NALF1: variants seen among roughly 807,000 people sequenced by gnomAD.
The protein encoded by NALF1 is NALCN channel auxiliary factor 1, also known as family with sequence similarity 155 member A.
In NALF1, 3 loss-of-function variants were observed where a neutral mutation model predicts 48.4. That is an observed-to-expected ratio of 0.06 (90% CI 0.03 to 0.16). NALF1 has a LOEUF of 0.16. Among genes scored for constraint, NALF1 ranks in the 10% least tolerant of loss-of-function variants. The pLI is 1.00. For synonymous variants in NALF1, 262 were observed against 245.7 expected (o/e 1.07, Z -0.62); for missense variants, 526 against 571.5 (o/e 0.92, Z 0.81).
chr13:107,401,172 C>T (rs61965864), intron 1 of NALF1, among the ~76,000 whole-genome samples: 1,771 of 152,274 alleles, frequency 0.012, 14 homozygotes, highest in Non-Finnish European at 0.02. Context: ...TGCCATCCCC[C>T]TCAGTTTCAC....
intron 1 of NALF1, among the ~76,000 whole-genome samples, chr13:107,854,158 C>G (rs1391419434): frequency 1.3e-5 from 2 of 152,166 alleles, no homozygotes; most frequent in South Asian, 2.1e-4. Flanking sequence ...AAAGCCAAAG[C>G]TGAAATGATA....
chr13:107,780,412 G>C (rs1479841495), intron 1 of NALF1, among the ~76,000 whole-genome samples: 2 of 151,874 alleles, frequency 1.3e-5, no homozygotes, highest in Admixed American at 1.3e-4. Context: ...TTAAGTTTCT[G>C]ATGTTTAATA....
At chr13:107,426,971 T>C (rs1367329865) in intron 1 of NALF1, among the ~76,000 whole-genome samples, 2 of 151,972 alleles carry the variant, frequency 1.3e-5, no homozygotes, top group Non-Finnish European at 2.9e-5. Flanking sequence ...TTGGTCATCT[T>C]ATATTAAGTG....
At chr13:107,470,264 T>C (rs1259013143) in intron 1 of NALF1, among the ~76,000 whole-genome samples, 6 of 152,218 alleles carry the variant, frequency 3.9e-5, no homozygotes, top group African/African-American at 1.4e-4. Flanking sequence ...TTTGACACTT[T>C]AGTGAGGTAG....
rs1403734408 is a variant in NALF1 at position 107,568,737 on chromosome 13, AT to A, written c.915+296944del. 8.5e-5 allele frequency among the ~76,000 whole-genome samples: 13 copies of A among 152,282 alleles called. 1 individual carries two copies. Among genetic ancestry groups the A allele is most frequent in the African/African-American group, 3.1e-4 (13 of 41,562 alleles). ...TTTTATGTGCTTATTTTCAAACTGTATATCCTATTTAGTGAAATGTCTGTGC... is the reference window on the plus strand; with the variant it reads ...TTTTATGTGCTTATTTTCAAACTGTAATCCTATTTAGTGAAATGTCTGTGC... On this transcript the variant is annotated intron_variant, in intron 1 of 2. Coordinates refer to ENST00000375915, the MANE Select transcript of NALF1 (RefSeq NM_001080396.3).
At chr13:107,522,082 A>T (rs927626) in intron 1 of NALF1, among the ~76,000 whole-genome samples, 110,646 of 151,962 alleles carry the variant, frequency 0.73, 40,808 homozygotes, top group Middle Eastern at 0.83. Context: ...GATACTGTTA[A>T]AGGTAATAAA....
At chr13:107,548,656 G>C (rs143336916) in intron 1 of NALF1, among the ~76,000 whole-genome samples, 88 of 152,020 alleles carry the variant, frequency 5.8e-4, no homozygotes, top group African/African-American at 1.9e-3. Flanking sequence ...GGTTCCTTAA[G>C]CTTTCCAGAC....
In NALF1 at chr13:107,332,840, T is replaced by C. The variant is rs1275834624; in HGVS notation, c.916-122085A>G. On this transcript the variant is annotated intron_variant, in intron 1 of 2. Coordinates refer to ENST00000375915, the MANE Select transcript of NALF1 (RefSeq NM_001080396.3). ...ACATTCTTTTTTTGTTTGTTTGTTT[T>C]TGTTTTTGTTTTTTGTTTTTGTTGA... Among the ~76,000 whole-genome samples the C allele has an allele frequency of 2.0e-5, 3 of 152,168 alleles. No homozygotes were observed. In the East Asian group the frequency reaches 5.8e-4, roughly 30 times the overall value.
At chr13:107,446,276 CT>C (rs1884649500) in intron 1 of NALF1, among the ~76,000 whole-genome samples, 1 of 152,078 alleles carries the variant, frequency 6.6e-6, no homozygotes, top group African/African-American at 2.4e-5. Context: ...TCCGATAATT[CT>C]TTTTTCTAAT....
intron 1 of NALF1, among the ~76,000 whole-genome samples, chr13:107,567,931 C>T (rs1877862886): frequency 6.6e-6 from 1 of 151,892 alleles, no homozygotes; most frequent in Non-Finnish European, 1.5e-5. Context: ...GATAGTGATC[C>T]AAGTTGTTAT....
intron 1 of NALF1, among the ~76,000 whole-genome samples, chr13:107,767,543 T>C (rs1198603123): frequency 1.3e-5 from 2 of 152,228 alleles, no homozygotes; most frequent in South Asian, 2.1e-4. Context: ...GACGACTGTA[T>C]ACCTTATGAG....
chr13:107,588,748 A>G (rs561880979), intron 1 of NALF1, among the ~76,000 whole-genome samples: 1 of 152,236 alleles, frequency 6.6e-6, no homozygotes, highest in South Asian at 2.1e-4. Context: ...CATATTTGGC[A>G]TCACGTCAGT....
At chr13:107,837,050 C>A (rs1339234917) in intron 1 of NALF1, among the ~76,000 whole-genome samples, 1 of 152,304 alleles carries the variant, frequency 6.6e-6, no homozygotes, top group South Asian at 2.1e-4. Flanking sequence ...TCCTTTTCTG[C>A]TACGATCTCT....
At chr13:107,798,743 A>ACAATACTTCATTTGCAGG (rs1163325396) in intron 1 of NALF1, among the ~76,000 whole-genome samples, 1 of 152,226 alleles carries the variant, frequency 6.6e-6, no homozygotes. Context: ...ATGAGATAAG[A>ACAATACTTCATTTGCAGG]CAATACTTCA....
intron 1 of NALF1, among the ~76,000 whole-genome samples, chr13:107,770,807 AT>A (rs1255500962): frequency 6.6e-6 from 1 of 152,174 alleles, no homozygotes; most frequent in Non-Finnish European, 1.5e-5. Context: ...TAAATCTTTA[AT>A]GACCTGACTT....
intron 1 of NALF1, among the ~76,000 whole-genome samples, chr13:107,448,057 C>T (rs1272606852): frequency 3.9e-5 from 6 of 152,190 alleles, no homozygotes; most frequent in Non-Finnish European, 5.9e-5. Flanking sequence ...TTTCTGTAGA[C>T]TTAAATCTGC....
intron 1 of NALF1, among the ~76,000 whole-genome samples, chr13:107,574,031 G>A (rs189894169): frequency 5.9e-5 from 9 of 152,070 alleles, no homozygotes; most frequent in Non-Finnish European, 1.2e-4. Context: ...CAGAATAGTA[G>A]AACATGAAAA....
chr13:107,568,401 T>A (rs1267495193), intron 1 of NALF1, among the ~76,000 whole-genome samples: 1 of 152,256 alleles, frequency 6.6e-6, no homozygotes, highest in African/African-American at 2.4e-5. Flanking sequence ...CAAATACAGC[T>A]GCTATGAACA....
intron 1 of NALF1, among the ~76,000 whole-genome samples, chr13:107,578,047 G>T (rs1419652487): frequency 6.6e-6 from 1 of 152,034 alleles, no homozygotes; most frequent in Non-Finnish European, 1.5e-5. Context: ...AATTCTACAG[G>T]TCTAAAATTG....
Sources: allele counts gnomAD v4.1 joint callset (sites outside exome capture counted in the v4.1 genomes callset), GRCh38; gene constraint gnomAD v4.1.1; transcripts MANE v1.5; gene names NCBI Gene and HGNC (gene_info 2026-07-23, HGNC 2026-07-21).